Variants in CNN3 observed in about 807,000 individuals in gnomAD.
The protein encoded by CNN3 is calponin 3.
In CNN3, 11 loss-of-function variants were observed where a neutral mutation model predicts 39.0. The observed-to-expected ratio is 0.28, with a 90% CI of 0.18 to 0.47. The LOEUF (loss-of-function observed/expected upper bound fraction) is 0.47. CNN3 is among the 20% of genes least tolerant of loss of function. The pLI is 0.99. For synonymous variants in CNN3, 101 were observed against 138.3 expected (o/e 0.73, Z 1.89); for missense variants, 266 against 403.4 (o/e 0.66, Z 2.92).
intron 1 of CNN3, among the ~76,000 whole-genome samples, chr1:94,921,137 T>G (rs1169572127): frequency 6.6e-6 from 1 of 152,218 alleles, no homozygotes; most frequent in Non-Finnish European, 1.5e-5. Context: ...CTCACACCTG[T>G]AATCCCAGCT....
chr1:94,916,706 C>A (rs1342979369), intron 1 of CNN3, among the ~76,000 whole-genome samples: 1 of 152,196 alleles, frequency 6.6e-6, no homozygotes, highest in Non-Finnish European at 1.5e-5. Context: ...GCTCTGGAAA[C>A]TGAATGCTTG....
intron 1 of CNN3, among the ~76,000 whole-genome samples, chr1:94,921,659 T>C (rs1671451173): frequency 6.6e-6 from 1 of 152,080 alleles, no homozygotes; most frequent in African/African-American, 2.4e-5. Context: ...AGCGATGTCA[T>C]CATTGTCAAG....
At chr1:94,911,045 G>T (rs918581742) in intron 1 of CNN3, among the ~76,000 whole-genome samples, 2 of 152,122 alleles carry the variant, frequency 1.3e-5, no homozygotes, top group African/African-American at 2.4e-5. Flanking sequence ...TTCTTTTTCA[G>T]ATTGTTGCTG....
In CNN3 at chr1:94,926,405, C is replaced by G. The variant is rs1571541590; in HGVS notation, c.57+433G>C. 6.6e-6 allele frequency among the ~76,000 whole-genome samples: 1 copy of G among 152,190 alleles called. No individual in the cohort carries two copies. Among genetic ancestry groups the G allele is most frequent in the Non-Finnish European group, 1.5e-5 (1 of 68,018 alleles). ...GCGGAGTCCGCCAGCACCCGGGGCC[C>G]GGGCAGATGGCGGGGGCTGCGGCAG... On this transcript the variant is annotated intron_variant, in intron 1 of 6. Coordinates refer to ENST00000370206, the MANE Select transcript of CNN3 (RefSeq NM_001839.5). This position sits in a 1 kb window ranked among gnomAD's most constrained non-coding sequence, Gnocchi z 4.2.
chr1:94,921,802 G>GGAA (rs1180499694), intron 1 of CNN3, among the ~76,000 whole-genome samples: 1 of 152,188 alleles, frequency 6.6e-6, no homozygotes, highest in African/African-American at 2.4e-5. Flanking sequence ...ATTTTAAAGA[G>GGAA]GAAGCATGGT....
chr1:94,923,785 T>C (rs1671508508), intron 1 of CNN3, among the ~76,000 whole-genome samples: 1 of 152,210 alleles, frequency 6.6e-6, no homozygotes, highest in African/African-American at 2.4e-5. Flanking sequence ...AAAAACTAAT[T>C]TTCTGTTACT....
chr1:94,922,394 T>C (rs1671469940), intron 1 of CNN3, among the ~76,000 whole-genome samples: 1 of 152,328 alleles, frequency 6.6e-6, no homozygotes, highest in South Asian at 2.1e-4. Context: ...ATGAATAAAT[T>C]CATTAAATCA....
chr1:94,908,300 C>T (rs532448021), intron 1 of CNN3, among the ~76,000 whole-genome samples: 3 of 152,216 alleles, frequency 2.0e-5, no homozygotes, highest in Non-Finnish European at 4.4e-5. Context: ...TCTCGCTCCT[C>T]CGACAGCTTC....
chr1:94,908,506 T>G (rs367727386), intron 1 of CNN3, among the ~76,000 whole-genome samples: 2 of 152,226 alleles, frequency 1.3e-5, no homozygotes, highest in South Asian at 2.1e-4. Flanking sequence ...CTCACTTTCT[T>G]TTGTAATTCT....
At chr1:94,913,836 G>T (rs755373759) in intron 1 of CNN3, among the ~76,000 whole-genome samples, 2 of 152,158 alleles carry the variant, frequency 1.3e-5, no homozygotes, top group Non-Finnish European at 2.9e-5. Flanking sequence ...TGGACTAGAA[G>T]CAAACAGGCA....
chr1:94,908,571 C>T (rs549256625), intron 1 of CNN3, among the ~76,000 whole-genome samples: 12 of 152,254 alleles, frequency 7.9e-5, no homozygotes, highest in African/African-American at 2.2e-4. Flanking sequence ...GACGGAGTCT[C>T]GCTCTGTCAC....
chr1:94,919,000 GT>G (rs1365855049), intron 1 of CNN3, among the ~76,000 whole-genome samples: 1 of 152,018 alleles, frequency 6.6e-6, no homozygotes, highest in East Asian at 1.9e-4. Flanking sequence ...CCACATGCAT[GT>G]TTTTTGAAGG....
chr1:94,921,491 T>G (rs1260938337), intron 1 of CNN3, among the ~76,000 whole-genome samples: 2 of 152,194 alleles, frequency 1.3e-5, no homozygotes, highest in African/African-American at 4.8e-5. Context: ...CAATTGTGCT[T>G]ACTTTTTTTA....
Position 94,926,895 on chromosome 1 carries a change from G to A in CNN3, c.-1C>T. 1 of 1,608,508 alleles carries A rather than the reference G, an allele frequency of 6.2e-7. No homozygotes were observed. ...AAGGGCCCTTGTTGAAGTGGGTCAT[G>A]GTGGTTCGGGCGGCGGGAAGAGACA... On this transcript the variant is annotated 5_prime_UTR_variant, in exon 1 of 7. Coordinates refer to ENST00000370206, the MANE Select transcript of CNN3 (RefSeq NM_001839.5). This position sits in a 1 kb window ranked among gnomAD's most constrained non-coding sequence, Gnocchi z 4.2.
Position 94,922,161 on chromosome 1 carries a change from T to C in CNN3, c.57+4677A>G, listed in dbSNP as rs532140358. Reference sequence around the variant, plus strand: ...TAGGAATGGTGGCTCACACCTGTAATCCCAGTGCTTTAACAGGCCAAGGCA... The same window carrying C: ...TAGGAATGGTGGCTCACACCTGTAACCCCAGTGCTTTAACAGGCCAAGGCA... On this transcript the variant is annotated intron_variant, in intron 1 of 6. Transcript: ENST00000370206. Among the ~76,000 whole-genome samples, 72 of 152,316 alleles carry C rather than the reference T, an allele frequency of 4.7e-4. 4 individuals carry two copies. The South Asian group carries it at 0.013, about 27-fold the overall frequency.
In CNN3 at chr1:94,926,317, T is replaced by A. The variant is rs1210792603; in HGVS notation, c.57+521A>T. Among the ~76,000 whole-genome samples the A allele has an allele frequency of 6.6e-6, 1 of 151,766 alleles. No individual in the cohort carries two copies. Among genetic ancestry groups the A allele is most frequent in the Non-Finnish European group, 1.5e-5 (1 of 67,950 alleles). ...GACTGTGATGGGTCCCGGACCGGCTTCCGTTCCTCGGGGCCCCTGGGGTCG... is the reference window on the plus strand; with the variant it reads ...GACTGTGATGGGTCCCGGACCGGCTACCGTTCCTCGGGGCCCCTGGGGTCG... On this transcript the variant is annotated intron_variant, in intron 1 of 6. Coordinates refer to ENST00000370206, the MANE Select transcript of CNN3 (RefSeq NM_001839.5). This position sits in a 1 kb window ranked among gnomAD's most constrained non-coding sequence, Gnocchi z 4.2.
At chr1:94,919,850 C>T (rs951888065) in intron 1 of CNN3, among the ~76,000 whole-genome samples, 3 of 152,032 alleles carry the variant, frequency 2.0e-5, no homozygotes, top group African/African-American at 7.2e-5. Context: ...ACAGTCACGC[C>T]CACACCCTGA....
chr1:94,915,690 C>A (rs537842559), intron 1 of CNN3, among the ~76,000 whole-genome samples: 1 of 152,168 alleles, frequency 6.6e-6, no homozygotes, highest in Non-Finnish European at 1.5e-5. Context: ...AGATCAAGGG[C>A]CAATGGAAAG....
intron 1 of CNN3, among the ~76,000 whole-genome samples, chr1:94,924,740 T>G (rs1309499303): frequency 6.6e-6 from 1 of 152,232 alleles, no homozygotes; most frequent in African/African-American, 2.4e-5. Context: ...CTTAGAATAG[T>G]CCAACTTCTG....
Sources: gnomAD v4.1 joint callset for allele counts (sites outside exome capture counted in the v4.1 genomes callset) on GRCh38, gnomAD v4.1.1 for gene constraint, Gnocchi (gnomAD v3.1) non-coding constraint, MANE v1.5 for transcripts, NCBI Gene and HGNC (gene_info 2026-07-23, HGNC 2026-07-21) for gene names.